The following ACSS1 variants were observed in gnomAD, a reference collection of about 807,000 sequenced individuals.
The protein encoded by ACSS1 is acetyl-coenzyme A synthetase 2-like, mitochondrial.
In ACSS1, 42 loss-of-function variants were observed where a neutral mutation model predicts 75.3. The observed-to-expected ratio is 0.56, with a 90% CI of 0.44 to 0.72. The LOEUF (loss-of-function observed/expected upper bound fraction) is 0.72. Ranked by LOEUF, ACSS1 falls within the 30% of genes least tolerant of loss-of-function variation. The pLI, the probability that ACSS1 is intolerant of heterozygous loss-of-function variation, is 0.00. For missense variants in ACSS1, 782 were observed against 935.7 expected, an observed-to-expected ratio of 0.84 and a Z score of 2.14; for synonymous variants, 380 against 376.8, an observed-to-expected ratio of 1.01 and a Z score of -0.10.
At chr20:25,009,156 T>C (rs2088363522) in intron 13 of ACSS1, 114 bp downstream of exon 13, 3 of 943,638 alleles carry the variant, frequency 3.2e-6, no homozygotes, top group Non-Finnish European at 5.0e-6. Flanking sequence ...AAACAGCTAG[T>C]GTCCGTTTTG....
At chr20:25,032,378 G>T in intron 2 of ACSS1, 4 of 1,369,396 alleles carry the variant, frequency 2.9e-6, no homozygotes, top group Non-Finnish European at 3.8e-6. Context: ...CCGGCCATGC[G>T]GTGCGAAGTG....
rs2088312471 is a variant in ACSS1 at position 25,006,612 on chromosome 20, G to T, written c.*1150C>A. The T allele has an allele frequency of 1.9e-6, 1 of 518,652 alleles. No individual in the cohort carries two copies. The highest frequency in any genetic ancestry group is 3.4e-6 in the Non-Finnish European group (1 of 292,536). The allele number at this position is 518,652 out of a possible 1,614,324, so 32.1% of individuals were successfully genotyped here. On this transcript the variant is annotated 3_prime_UTR_variant, in exon 14 of 14. Transcript: ENST00000323482. The stretch of plus-strand genomic sequence containing the variant: ...GAGGACAAACTCTCCCTCCCCTAAG[G>T]GACCCGGCTCACTGGGCCTCCTTCC...
At chr20:25,020,424 A>C (rs2088602160) in intron 6 of ACSS1, among the ~76,000 whole-genome samples, 1 of 152,210 alleles carries the variant, frequency 6.6e-6, no homozygotes, top group Non-Finnish European at 1.5e-5. Context: ...GGCCTAGTTC[A>C]AGGTGATACT....
chr20:25,045,061 C>T (rs1306413776), intron 2 of ACSS1, among the ~76,000 whole-genome samples: 1 of 152,238 alleles, frequency 6.6e-6, no homozygotes, highest in African/African-American at 2.4e-5. Flanking sequence ...GAAAACAGCT[C>T]TAGAATCCAG....
chr20:25,029,085 G>C (rs2122676172), intron 3 of ACSS1, among the ~76,000 whole-genome samples: 1 of 152,246 alleles, frequency 6.6e-6, no homozygotes, highest in South Asian at 2.1e-4. Flanking sequence ...TACTGAGAAA[G>C]TGAAAAGACC....
intron 1 of ACSS1, among the ~76,000 whole-genome samples, chr20:25,056,165 C>T (rs752316292): frequency 5.3e-5 from 8 of 152,190 alleles, no homozygotes; most frequent in African/African-American, 1.7e-4. Context: ...CCAGGAGGTC[C>T]GCCCCACTGT....
chr20:25,037,270 G>A (rs2088929125), intron 2 of ACSS1, among the ~76,000 whole-genome samples: 1 of 152,146 alleles, frequency 6.6e-6, no homozygotes. Flanking sequence ...CAGCAGGTGA[G>A]CATGAAGTGG....
Position 25,028,542 on chromosome 20 carries a change from G to A in ACSS1, c.631+2217C>T, listed in dbSNP as rs527703799. Among the ~76,000 whole-genome samples, 5 of 152,314 alleles carry A rather than the reference G, an allele frequency of 3.3e-5. No individual in the cohort carries two copies. The South Asian group carries it at 8.3e-4, about 25-fold the overall frequency. On this transcript the variant is annotated intron_variant, in intron 3 of 13. Transcript: ENST00000323482. ...AAGAACAGCCTCTTTAGCAAATGGC[G>A]CTGGGACCACTGGATAGCCATAGGA... is the stretch of plus-strand genomic sequence containing the variant.
At chr20:25,029,356 T>C (rs1179789533) in intron 3 of ACSS1, among the ~76,000 whole-genome samples, 4 of 152,226 alleles carry the variant, frequency 2.6e-5, no homozygotes, top group African/African-American at 9.6e-5. Flanking sequence ...ATGACGGCTG[T>C]AATTTTTTAA....
At chr20:25,027,029 C>T (rs1262127194) in intron 3 of ACSS1, among the ~76,000 whole-genome samples, 1 of 152,238 alleles carries the variant, frequency 6.6e-6, no homozygotes. Context: ...AGAAAAGGGG[C>T]AGCTTAGCAT....
chr20:25,013,808 A>T (rs1376105605), intron 9 of ACSS1, 146 bp from the exon 10 acceptor site: 6 of 1,327,190 alleles, frequency 4.5e-6, no homozygotes, highest in Non-Finnish European at 6.2e-6. Flanking sequence ...TGTGGCCACT[A>T]CCCAGTGCAT....
chr20:25,042,327 G>T (rs186384376), intron 2 of ACSS1, among the ~76,000 whole-genome samples: 1 of 152,286 alleles, frequency 6.6e-6, no homozygotes, highest in East Asian at 1.9e-4. Flanking sequence ...AGTAACATGG[G>T]ATCCTATCAG....
At chr20:25,056,551 G>T (rs952881877) in intron 1 of ACSS1, among the ~76,000 whole-genome samples, 1 of 152,040 alleles carries the variant, frequency 6.6e-6, no homozygotes, top group Non-Finnish European at 1.5e-5. Flanking sequence ...ATCTAAAATC[G>T]CTACTGCTTA....
intron 2 of ACSS1, among the ~76,000 whole-genome samples, chr20:25,031,781 G>T (rs1434253692): frequency 1.3e-5 from 2 of 152,224 alleles, no homozygotes; most frequent in Non-Finnish European, 2.9e-5. Flanking sequence ...ACAAGTGTCT[G>T]AGGCATAGAT....
chr20:25,043,067 T>A (rs376964685), intron 2 of ACSS1, among the ~76,000 whole-genome samples: 2 of 151,712 alleles, frequency 1.3e-5, no homozygotes, highest in African/African-American at 4.8e-5. Flanking sequence ...CCCTGGCCCC[T>A]CCCCCTGCCA....
chr20:25,013,915 G>C (rs2088467287), intron 9 of ACSS1, 46 bp downstream of exon 9: 4 of 1,571,816 alleles, frequency 2.5e-6, no homozygotes, highest in Non-Finnish European at 3.5e-6. Flanking sequence ...GCAGGGACAA[G>C]GGAGGGCAAG....
At chr20:25,010,183 T>C (rs770285375) in intron 12 of ACSS1, 13 of 152,494 alleles carry the variant, frequency 8.5e-5, no homozygotes, top group Admixed American at 3.9e-4. Flanking sequence ...TATATATGTG[T>C]GGCTCTCCTA....
chr20:25,015,299 GT>G (rs1238290848), intron 7 of ACSS1, 69 bp from the exon 8 acceptor site: 3 of 1,314,362 alleles, frequency 2.3e-6, no homozygotes, highest in Non-Finnish European at 3.2e-6. Flanking sequence ...GGGAAGTTTT[GT>G]TTTTTGTTTT....
intron 1 of ACSS1, among the ~76,000 whole-genome samples, chr20:25,051,439 T>C (rs8114108): frequency 0.069 from 10,449 of 152,276 alleles, 1,224 homozygotes; most frequent in African/African-American, 0.24. Context: ...CTTCATCCCT[T>C]AAGTAGAAGA....
Sources: gnomAD v4.1 joint callset for allele counts (sites outside exome capture counted in the v4.1 genomes callset) on GRCh38, gnomAD v4.1.1 for gene constraint, MANE v1.5 for transcripts, NCBI Gene and HGNC (gene_info 2026-07-23, HGNC 2026-07-21) for gene names.